ARIH1: variants seen among roughly 807,000 people sequenced by gnomAD.
ARIH1 encodes the protein E3 ubiquitin-protein ligase ARIH1.
ARIH1 carries 8 observed loss-of-function variants against 85.0 expected under a neutral mutation model. The ratio of observed to expected loss-of-function variants is 0.09; its 90% CI spans 0.06 to 0.17. ARIH1 has a LOEUF of 0.17. Among genes scored for constraint, ARIH1 ranks in the 10% least tolerant of loss-of-function variants. The probability of loss-of-function intolerance (pLI) is 1.00; values close to 1 mark genes in which losing one functional copy is unlikely to be tolerated. For missense variants in ARIH1, 311 were observed against 718.1 expected, an observed-to-expected ratio of 0.43 and a Z score of 6.48; for synonymous variants, 238 against 253.6, an observed-to-expected ratio of 0.94 and a Z score of 0.59.
chr15:72,475,172 G>A, intron 1 of ARIH1, 158 bp downstream of exon 1: 3 of 1,359,390 alleles, frequency 2.2e-6, no homozygotes, highest in Non-Finnish European at 2.9e-6. Context: ...GATAGAGGGT[G>A]TCGAAAGCAG....
At chr15:72,564,183 C>T (rs1567357437) in intron 7 of ARIH1, among the ~76,000 whole-genome samples, 1 of 152,162 alleles carries the variant, frequency 6.6e-6, no homozygotes, top group Non-Finnish European at 1.5e-5. Context: ...TATAAACATT[C>T]AAGAGAAGCT....
chr15:72,518,140 G>A lies in ARIH1; in HGVS notation c.443+6G>A. 1 of 1,597,528 alleles carries A rather than the reference G, an allele frequency of 6.3e-7. No homozygotes were observed. Among genetic ancestry groups the A allele is most frequent in the Non-Finnish European group, 8.6e-7 (1 of 1,166,676 alleles). ...AAAGAGAAGCTAATGGAAAGGTAAG[G>A]AACTATATTGTCAGCTTTGTACTTA... On this transcript the variant is annotated splice_donor_region_variant and intron_variant, in intron 2 of 13. Transcript: ENST00000379887.
chr15:72,586,500 T>C lies in ARIH1; in HGVS notation c.*3208T>C, dbSNP rs1160748664. ...TTTCATTGTAACTGGACTGTTCAGGTTGCCCAGAGGGAAAGAACATTCCTA... is the reference window on the plus strand; with the variant it reads ...TTTCATTGTAACTGGACTGTTCAGGCTGCCCAGAGGGAAAGAACATTCCTA... On this transcript the variant is annotated 3_prime_UTR_variant, in exon 14 of 14. Coordinates refer to ENST00000379887, the MANE Select transcript of ARIH1 (RefSeq NM_005744.5). 2.0e-5 allele frequency: 3 copies of C among 152,234 alleles called. No individual in the cohort carries two copies. The highest frequency in any genetic ancestry group is 4.4e-5 in the Non-Finnish European group (3 of 68,054). 9.4% of individuals were successfully genotyped at this position (152,234 alleles called of 1,614,324 possible).
chr15:72,503,316 T>TTG, intron 1 of ARIH1, among the ~76,000 whole-genome samples: 1 of 152,170 alleles, frequency 6.6e-6, no homozygotes, highest in East Asian at 1.9e-4. Flanking sequence ...CAAGAGGCTT[T>TTG]TGTGGTTAAG....
At chr15:72,499,613 G>C (rs1203510330) in intron 1 of ARIH1, among the ~76,000 whole-genome samples, 2 of 152,196 alleles carry the variant, frequency 1.3e-5, no homozygotes, top group African/African-American at 2.4e-5. Flanking sequence ...ATTCTAAGTA[G>C]TGTATTATGA....
At position 72,583,333 on chromosome 15, in the gene ARIH1, C is replaced by A. The variant is rs14636; in HGVS notation, c.*41C>A. The A allele has an allele frequency of 1.3e-6, 2 of 1,511,428 alleles. No individual in the cohort carries two copies. Among genetic ancestry groups the A allele is most frequent in the Admixed American group, 1.8e-5 (1 of 56,920 alleles). 93.6% of individuals were successfully genotyped at this position (1,511,428 alleles called of 1,614,324 possible). On this transcript the variant is annotated 3_prime_UTR_variant, in exon 14 of 14. Transcript: ENST00000379887. ...AAATGAACTCTGAAAACTTTACCAT[C>A]TAGAGTGCTCATGCAATTAAAACAA...
intron 1 of ARIH1, among the ~76,000 whole-genome samples, chr15:72,478,071 G>A (rs545344052): frequency 1.3e-5 from 2 of 152,152 alleles, no homozygotes; most frequent in Non-Finnish European, 2.9e-5. Context: ...CTCCCAAAGT[G>A]CTGGGATTAC....
At chr15:72,566,334 C>T (rs1305079377) in intron 7 of ARIH1, 17 of 466,802 alleles carry the variant, frequency 3.6e-5, no homozygotes, top group South Asian at 2.9e-4. Context: ...AGCGTGTCTT[C>T]ATGCTTATAG....
rs1456326307 is a variant in ARIH1, at chr15:72,602,122, A to T, written c.*18830A>T. 3 of 152,238 alleles carry T rather than the reference A, an allele frequency of 2.0e-5. No homozygotes were observed. The highest frequency in any genetic ancestry group is 7.2e-5 in the African/African-American group (3 of 41,456). 9.4% of individuals were successfully genotyped at this position (152,238 alleles called of 1,614,324 possible). A position where few individuals can be genotyped will look rare whatever the true frequency, so the allele number is the denominator to read the frequency against. On this transcript the variant is annotated 3_prime_UTR_variant, in exon 14 of 14. Transcript: ENST00000379887. ...GTTTTAGGCATTGGTTATTACAAAT[A>T]ATGCTGCATTGAATACCTTTGTATG...
At chr15:72,530,319 T>C (rs2064050284) in intron 2 of ARIH1, among the ~76,000 whole-genome samples, 1 of 152,232 alleles carries the variant, frequency 6.6e-6, no homozygotes. Context: ...TCCTTGTTGC[T>C]CTAGCAGTGT....
At chr15:72,571,980 A>G (rs775358052) in intron 10 of ARIH1, 128 bp from the exon 11 acceptor site, 7 of 657,978 alleles carry the variant, frequency 1.1e-5, no homozygotes, top group East Asian at 5.4e-5. Context: ...TAACATCTCA[A>G]TTTCTCTGTT....
chr15:72,518,097 A>T lies in ARIH1; in HGVS notation c.406A>T (p.Ser136Cys). 1 of 1,612,044 alleles carries T rather than the reference A, an allele frequency of 6.2e-7. No individual in the cohort carries two copies. The highest frequency in any genetic ancestry group is 8.5e-7 in the Non-Finnish European group (1 of 1,178,508). The change falls in exon 2 of 14, where the codon AGC becomes TGC. Residue 136 changes from serine to cysteine, a missense_variant. Ser to Cys is a moderately radical substitution (Grantham distance 112). Transcript: ENST00000379887. ...NPATITRILL[S>C]HFNWDKEKLM... is the part of the protein sequence containing the mutation. ...AGCAACTATCACAAGAATACTCCTT[A>T]GCCACTTCAATTGGGATAAAGAGAA...
At chr15:72,554,013 G>A (rs4776602) in intron 3 of ARIH1, among the ~76,000 whole-genome samples, 116,769 of 152,166 alleles carry the variant, frequency 0.77, 51,351 homozygotes, top group Non-Finnish European at 0.96. Context: ...AACAACCTTG[G>A]AAACAAGGTT....
Position 72,593,260 on chromosome 15 carries a change from A to G in ARIH1, c.*9968A>G, listed in dbSNP as rs1441833393. 6.6e-6 allele frequency: 1 copy of G among 152,000 alleles called. No individual in the cohort carries two copies. The highest frequency in any genetic ancestry group is 2.4e-5 in the African/African-American group (1 of 41,366). The allele number at this position is 152,000 out of a possible 1,614,324, so 9.4% of individuals were successfully genotyped here. On this transcript the variant is annotated 3_prime_UTR_variant, in exon 14 of 14. Transcript: ENST00000379887. ...TTAAAGTTGGGTGTCTTTTTATTGT[A>G]GGTGTTATTCTTTGTATTTTGAATA...
At chr15:72,505,837 G>A (rs2415140) in intron 1 of ARIH1, among the ~76,000 whole-genome samples, 74,913 of 151,940 alleles carry the variant, frequency 0.49, 22,553 homozygotes, top group Non-Finnish European at 0.66. Context: ...CCGAGTTCAA[G>A]CAGTTCTCCT....
intron 1 of ARIH1, among the ~76,000 whole-genome samples, chr15:72,484,790 C>T (rs7175310): frequency 0.072 from 1,966 of 27,354 alleles, 53 homozygotes; most frequent in Middle Eastern, 0.25. Flanking sequence ...CATATATATA[C>T]ACACACACAC....
intron 2 of ARIH1, among the ~76,000 whole-genome samples, chr15:72,519,244 A>G (rs2063988146): frequency 6.6e-6 from 1 of 152,064 alleles, no homozygotes; most frequent in Non-Finnish European, 1.5e-5. Flanking sequence ...AAATTCAGAG[A>G]GTACTTTATA....
Position 72,563,460 on chromosome 15 carries a change from G to C in ARIH1, c.871G>C (p.Asp291His). Residue 291 changes from aspartate to histidine, a missense_variant, in exon 7 of 14, where the codon GAT becomes CAT. This residue lies in a region of ARIH1 where 104 missense variants were observed against 221.4 expected (regional missense o/e 0.47). Transcript: ENST00000379887. ...CCATGTTGTTAAAGTCCAATATCCTGATGCTAAACCTGTTCGCTGCAAATG... is the reference window on the plus strand; with the variant it reads ...CCATGTTGTTAAAGTCCAATATCCTCATGCTAAACCTGTTCGCTGCAAATG... ...CHHVVKVQYP[D>H]AKPVRCKCGR... 1 of 1,614,078 alleles carries C rather than the reference G, an allele frequency of 6.2e-7. No homozygotes were observed. Among genetic ancestry groups the C allele is most frequent in the South Asian group, 1.1e-5 (1 of 91,088 alleles).
chr15:72,509,248 C>T (rs750981226), intron 1 of ARIH1, among the ~76,000 whole-genome samples: 3 of 152,132 alleles, frequency 2.0e-5, no homozygotes, highest in Non-Finnish European at 2.9e-5. Context: ...CCTCGGTCTC[C>T]CAAAGTGGTG....
Sources: gnomAD v4.1 joint callset for allele counts (sites outside exome capture counted in the v4.1 genomes callset) on GRCh38, gnomAD v4.1.1 for gene constraint, gnomAD v4.1.1 regional missense constraint, MANE v1.5 for transcripts, NCBI Gene and HGNC (gene_info 2026-07-23, HGNC 2026-07-21) for gene names.